The following CSMD1 variants were observed in gnomAD, a reference collection of about 807,000 sequenced individuals.
CSMD1 encodes the protein CUB and Sushi multiple domains 1.
In CSMD1, 213 loss-of-function variants were observed where a neutral mutation model predicts 417.5. The ratio of observed to expected loss-of-function variants is 0.51; its 90% CI spans 0.46 to 0.57. CSMD1 has a LOEUF of 0.57. Ranked by LOEUF, CSMD1 falls within the 20% of genes least tolerant of loss-of-function variation. The pLI is 0.00. For missense variants in CSMD1, 6,923 were observed against 4,529.7 expected (o/e 1.53, Z -15.17); for synonymous variants, 2,862 against 1,736.8 (o/e 1.65, Z -16.11).
intron 26 of CSMD1, among the ~76,000 whole-genome samples, chr8:3,245,596 A>C (rs1585778556): frequency 6.6e-6 from 1 of 152,110 alleles, no homozygotes; most frequent in Non-Finnish European, 1.5e-5. Context: ...GCCCATGCCT[A>C]CCCCTTCCAG....
chr8:4,911,282 T>TA (rs1207611774), intron 1 of CSMD1, among the ~76,000 whole-genome samples: 1 of 152,340 alleles, frequency 6.6e-6, no homozygotes, highest in East Asian at 1.9e-4. Context: ...TGCCTATACA[T>TA]ACTGGATAAA....
At chr8:4,621,173 G>T (rs1027406075) in intron 2 of CSMD1, among the ~76,000 whole-genome samples, 1 of 151,914 alleles carries the variant, frequency 6.6e-6, no homozygotes, top group African/African-American at 2.4e-5. Context: ...AATATATGCA[G>T]ACCTATAAAT....
chr8:4,194,518 G>A (rs1383859684), intron 3 of CSMD1, among the ~76,000 whole-genome samples: 1 of 152,074 alleles, frequency 6.6e-6, no homozygotes, highest in East Asian at 1.9e-4. Flanking sequence ...ATGCCAGGAA[G>A]CATCTCAACA....
At chr8:3,673,663 G>A (rs879162112) in intron 7 of CSMD1, among the ~76,000 whole-genome samples, 1 of 152,168 alleles carries the variant, frequency 6.6e-6, no homozygotes, top group Non-Finnish European at 1.5e-5. Flanking sequence ...AGCATTTACG[G>A]TGTGAGCTAT....
intron 23 of CSMD1, among the ~76,000 whole-genome samples, chr8:3,309,377 T>G (rs1222900641): frequency 1.4e-5 from 2 of 146,476 alleles, no homozygotes; most frequent in Non-Finnish European, 3.0e-5. Flanking sequence ...TGATGGTGCA[T>G]GGTTATGAGG....
chr8:3,732,329 C>G (rs1270828160), intron 6 of CSMD1, among the ~76,000 whole-genome samples: 1 of 152,184 alleles, frequency 6.6e-6, no homozygotes, highest in Non-Finnish European at 1.5e-5. Flanking sequence ...GTCATTTAAC[C>G]TGTGTGGATC....
intron 2 of CSMD1, among the ~76,000 whole-genome samples, chr8:4,562,266 A>T (rs961939194): frequency 1.3e-5 from 2 of 152,212 alleles, no homozygotes; most frequent in Non-Finnish European, 2.9e-5. Context: ...AGGCATCATT[A>T]CGCGAGCAGA....
intron 5 of CSMD1, among the ~76,000 whole-genome samples, chr8:3,820,170 G>T (rs922367338): frequency 1.3e-5 from 2 of 152,144 alleles, no homozygotes; most frequent in East Asian, 1.9e-4. Flanking sequence ...TGCACAAAGT[G>T]CTCTCCAAAG....
At chr8:4,310,466 C>T (rs1002736665) in intron 3 of CSMD1, among the ~76,000 whole-genome samples, 6 of 152,124 alleles carry the variant, frequency 3.9e-5, no homozygotes, top group Admixed American at 6.5e-5. Context: ...GAACAGCATG[C>T]GTTATCTTTT....
At chr8:4,493,564 G>T (rs894084288) in intron 2 of CSMD1, among the ~76,000 whole-genome samples, 1 of 152,048 alleles carries the variant, frequency 6.6e-6, no homozygotes, top group African/African-American at 2.4e-5. Context: ...GCCAGGCAAT[G>T]GGGCATGCAC....
chr8:4,475,577 G>A (rs1800756143), intron 2 of CSMD1, among the ~76,000 whole-genome samples: 1 of 151,770 alleles, frequency 6.6e-6, no homozygotes, highest in African/African-American at 2.4e-5. Flanking sequence ...TACCACCCAG[G>A]CACAACGTTC....
chr8:4,919,778 G>T (rs765882974), intron 1 of CSMD1, among the ~76,000 whole-genome samples: 1 of 152,150 alleles, frequency 6.6e-6, no homozygotes, highest in Non-Finnish European at 1.5e-5. Context: ...CTGCTCTTTT[G>T]TGATTACAGT....
At chr8:4,745,388 A>G (rs1485473569) in intron 1 of CSMD1, among the ~76,000 whole-genome samples, 2 of 152,210 alleles carry the variant, frequency 1.3e-5, no homozygotes, top group Non-Finnish European at 2.9e-5. Context: ...CTAAGCTTTA[A>G]TAAGTATTAA....
chr8:4,500,976 C>A (rs1414456671), intron 2 of CSMD1, among the ~76,000 whole-genome samples: 1 of 151,820 alleles, frequency 6.6e-6, no homozygotes, highest in Non-Finnish European at 1.5e-5. Flanking sequence ...TTGTATGCAC[C>A]AAGAGGTTGA....
At chr8:3,253,286 A>G (rs2117043500) in intron 26 of CSMD1, among the ~76,000 whole-genome samples, 1 of 151,226 alleles carries the variant, frequency 6.6e-6, no homozygotes, top group South Asian at 2.1e-4. Flanking sequence ...TTCGTTATTT[A>G]CCCAGTAGTC....
At chr8:4,128,187 A>G (rs1445747187) in intron 3 of CSMD1, among the ~76,000 whole-genome samples, 1 of 152,112 alleles carries the variant, frequency 6.6e-6, no homozygotes, top group Non-Finnish European at 1.5e-5. Context: ...CCCTGCGGAA[A>G]AAGTGCCCTG....
intron 25 of CSMD1, among the ~76,000 whole-genome samples, chr8:3,293,791 G>A (rs2117294136): frequency 6.6e-6 from 1 of 152,308 alleles, no homozygotes; most frequent in Admixed American, 6.5e-5. Context: ...CTGTAGCTCA[G>A]AGTAGTTTGA....
chr8:4,460,079 T>C (rs1355152086), intron 2 of CSMD1, among the ~76,000 whole-genome samples: 1 of 152,188 alleles, frequency 6.6e-6, no homozygotes, highest in Non-Finnish European at 1.5e-5. Context: ...CAAGGGCGTA[T>C]GAAACATTCT....
intron 1 of CSMD1, among the ~76,000 whole-genome samples, chr8:4,718,242 G>A (rs1026834649): frequency 6.6e-6 from 1 of 152,196 alleles, no homozygotes; most frequent in Non-Finnish European, 1.5e-5. Flanking sequence ...CTCCCAAAAT[G>A]TTGGGATTAC....
Sources: allele counts gnomAD v4.1 joint callset (sites outside exome capture counted in the v4.1 genomes callset), GRCh38; gene constraint gnomAD v4.1.1; transcripts MANE v1.5; gene names NCBI Gene and HGNC (gene_info 2026-07-23, HGNC 2026-07-21).